Variants in KCTD5 observed in about 807,000 individuals in gnomAD.
The protein encoded by KCTD5 is potassium channel tetramerization domain containing 5.
Under a neutral mutation model 27.9 loss-of-function variants are expected in KCTD5, and 12 were observed. That is an observed-to-expected ratio of 0.43 (90% CI 0.28 to 0.70). KCTD5 has a LOEUF of 0.70. KCTD5 is among the 30% of genes least tolerant of loss of function. KCTD5 has a pLI of 0.19. For synonymous variants in KCTD5, 147 were observed against 121.4 expected (o/e 1.21, Z -1.39); for missense variants, 226 against 274.8 (o/e 0.82, Z 1.26).
intron 1 of KCTD5, among the ~76,000 whole-genome samples, chr16:2,690,113 G>A (rs570536577): frequency 2.6e-5 from 4 of 152,382 alleles, no homozygotes; most frequent in South Asian, 4.1e-4. Flanking sequence ...CTGGTGAGAT[G>A]AGCAGAGCGG....
At chr16:2,706,179 A>G (rs959065003) in intron 5 of KCTD5, among the ~76,000 whole-genome samples, 17 of 152,124 alleles carry the variant, frequency 1.1e-4, no homozygotes, top group African/African-American at 3.4e-4. Flanking sequence ...CCCGCCTGGG[A>G]ACGGCAGAGC....
chr16:2,702,201 TC>T, intron 4 of KCTD5, 151 bp from the exon 5 acceptor site: 1 of 980,076 alleles, frequency 1.0e-6, no homozygotes, highest in Non-Finnish European at 1.5e-6. Context: ...GTGCAGGTGT[TC>T]CGGGGATTTG....
intron 5 of KCTD5, among the ~76,000 whole-genome samples, chr16:2,704,625 C>T (rs931854784): frequency 3.3e-5 from 5 of 152,218 alleles, no homozygotes; most frequent in East Asian, 1.9e-4. Context: ...GGGCAGAGGC[C>T]GGGGTCTCCC....
intron 3 of KCTD5, chr16:2,699,246 C>G (rs1315581599): frequency 2.2e-6 from 1 of 455,774 alleles, no homozygotes; most frequent in Non-Finnish European, 4.4e-6. Flanking sequence ...AGGCGGGCGG[C>G]CCTGGTGGCT....
chr16:2,704,810 G>A (rs1169723974), intron 5 of KCTD5, among the ~76,000 whole-genome samples: 1 of 152,202 alleles, frequency 6.6e-6, no homozygotes, highest in Non-Finnish European at 1.5e-5. Flanking sequence ...CAGAGCCCAC[G>A]CAGCAGAGGC....
intron 5 of KCTD5, 55 bp downstream of exon 5, chr16:2,702,533 C>G: frequency 3.2e-6 from 5 of 1,580,648 alleles, no homozygotes; most frequent in Non-Finnish European, 4.3e-6. Flanking sequence ...AAGGCTCTTG[C>G]CCTCTCAGAC....
chr16:2,685,452 A>T lies in KCTD5; in HGVS notation c.252+2652A>T, dbSNP rs1271172529. Among the ~76,000 whole-genome samples, 15 of 151,102 alleles carry T rather than the reference A, an allele frequency of 9.9e-5. No individual in the cohort carries two copies. The East Asian group carries it at 2.9e-3, about 29-fold the overall frequency. ...AAAAAAAAAGAAAAAAGAAAAGGAGAAAACAATAATTGGAGTAAATAAGGT... is the reference window on the plus strand; with the variant it reads ...AAAAAAAAAGAAAAAAGAAAAGGAGTAAACAATAATTGGAGTAAATAAGGT... On this transcript the variant is annotated intron_variant, in intron 1 of 5. Transcript: ENST00000301738.
chr16:2,698,919 A>T (rs2067598768), intron 3 of KCTD5, among the ~76,000 whole-genome samples: 1 of 152,212 alleles, frequency 6.6e-6, no homozygotes, highest in South Asian at 2.1e-4. Context: ...TCCCTGCCTC[A>T]GTCTACCTAC....
intron 1 of KCTD5, among the ~76,000 whole-genome samples, chr16:2,688,247 T>TATATATA (rs1567193128): frequency 1.9e-5 from 2 of 106,104 alleles, no homozygotes; most frequent in African/African-American, 3.8e-5. Context: ...ATATATATAT[T>TATATATA]TATTTATTTA....
intron 1 of KCTD5, among the ~76,000 whole-genome samples, chr16:2,691,945 A>G (rs1426444637): frequency 6.6e-6 from 1 of 152,164 alleles, no homozygotes; most frequent in African/African-American, 2.4e-5. Flanking sequence ...GCTGCAGGGA[A>G]AGCGCATCAG....
In KCTD5 at chr16:2,708,825, G is replaced by A. The variant is rs950074389; in HGVS notation, c.*1498G>A. 5.9e-5 allele frequency: 9 copies of A among 152,204 alleles called. No individual in the cohort carries two copies. Among genetic ancestry groups the A allele is most frequent in the African/African-American group, 1.7e-4 (7 of 41,452 alleles). 9.4% of individuals were successfully genotyped at this position (152,204 alleles called of 1,614,324 possible). A position where few individuals can be genotyped will look rare whatever the true frequency, so the allele number is the denominator to read the frequency against. On this transcript the variant is annotated 3_prime_UTR_variant, in exon 6 of 6. Coordinates refer to ENST00000301738, the MANE Select transcript of KCTD5 (RefSeq NM_018992.4). Reference sequence around the variant, plus strand: ...CATCCTCTCTGGGGAGCTGCTGGCCGCTTAGCGTTGTTTGATTTTTGACCT... The same window carrying A: ...CATCCTCTCTGGGGAGCTGCTGGCCACTTAGCGTTGTTTGATTTTTGACCT...
In KCTD5 at chr16:2,708,762, C is replaced by T. The variant is rs1048576880; in HGVS notation, c.*1435C>T. On this transcript the variant is annotated 3_prime_UTR_variant, in exon 6 of 6. Coordinates refer to ENST00000301738, the MANE Select transcript of KCTD5 (RefSeq NM_018992.4). ...TTCTAGAAGGCAGACTTAGCCCCAG[C>T]AGAGCCTGGGAGGAAGGCGGCCGCT... 3 of 152,240 alleles carry T rather than the reference C, an allele frequency of 2.0e-5. No homozygotes were observed. Among genetic ancestry groups the T allele is most frequent in the Non-Finnish European group, 4.4e-5 (3 of 68,048 alleles). 9.4% of individuals were successfully genotyped at this position (152,240 alleles called of 1,614,324 possible).
chr16:2,687,642 G>A lies in KCTD5; in HGVS notation c.252+4842G>A, dbSNP rs150596756. Among the ~76,000 whole-genome samples the A allele has an allele frequency of 5.3e-5, 8 of 152,344 alleles. No individual in the cohort carries two copies. The East Asian group carries it at 1.5e-3, about 29-fold the overall frequency. On this transcript the variant is annotated intron_variant, in intron 1 of 5. Transcript: ENST00000301738. ...TCGCCAGGGCTGTGGCCGTGATGGG[G>A]GCGCCTGCTGCCTGGTCTCGCCCCG...
At chr16:2,683,106 T>C (rs1014282297) in intron 1 of KCTD5, 43 of 326,658 alleles carry the variant, frequency 1.3e-4, no homozygotes, top group Non-Finnish European at 1.9e-4. Context: ...CCCCGGACTT[T>C]GCTGTGATTC....
Position 2,708,485 on chromosome 16 carries a change from AGC to A in KCTD5, c.*1161_*1162del, listed in dbSNP as rs2142061650. On this transcript the variant is annotated 3_prime_UTR_variant, in exon 6 of 6. Transcript: ENST00000301738. Reference sequence around the variant, plus strand: ...GACTCGGCGTGCAGGGCGGGCTCCAAGCGCTTTGCTTCCGGAACTCCGGCTTC... The same window carrying A: ...GACTCGGCGTGCAGGGCGGGCTCCAAGCTTTGCTTCCGGAACTCCGGCTTC... 1 of 152,532 alleles carries A rather than the reference AGC, an allele frequency of 6.6e-6. No homozygotes were observed. Among genetic ancestry groups the A allele is most frequent in the Non-Finnish European group, 1.5e-5 (1 of 68,060 alleles). 9.4% of individuals were successfully genotyped at this position (152,532 alleles called of 1,614,324 possible).
At position 2,697,819 on chromosome 16, in the gene KCTD5, C is replaced by A. The variant is rs184872901; in HGVS notation, c.362-87C>A. The A allele has an allele frequency of 9.9e-5, 92 of 929,288 alleles. No individual in the cohort carries two copies. The East Asian group carries it at 2.2e-3, about 22-fold the overall frequency. 57.6% of individuals were successfully genotyped at this position (929,288 alleles called of 1,614,324 possible). A position where few individuals can be genotyped will look rare whatever the true frequency, so the allele number is the denominator to read the frequency against. On this transcript the variant is annotated intron_variant, in intron 2 of 5. Transcript: ENST00000301738. ...GAGCCATGGGCCCTCATTGCAGGGG[C>A]AGGGGCAAGGGCAGGGGTGGGTGTA...
chr16:2,682,797 C>A lies in KCTD5; in HGVS notation c.249C>A (p.Asp83Glu). The A allele has an allele frequency of 6.3e-7, 1 of 1,594,116 alleles. No homozygotes were observed. Among genetic ancestry groups the A allele is most frequent in the Non-Finnish European group, 8.5e-7 (1 of 1,171,844 alleles). The change falls in exon 1 of 6, where the codon GAC becomes GAA. Residue 83 changes from aspartate (D) to glutamate (E), a missense_variant. Transcript: ENST00000301738. ...LCQADPDLDS[D>E]KDETGAYLID... ...AGGCCGATCCCGACCTGGACTCAGACAAGGTGAGGGCCTCACGGGCCAGCC... is the reference window on the plus strand; with the variant it reads ...AGGCCGATCCCGACCTGGACTCAGAAAAGGTGAGGGCCTCACGGGCCAGCC...
Position 2,707,525 on chromosome 16 carries a change from TGGG to T in KCTD5, c.*201_*203del, listed in dbSNP as rs1169175505. The T allele has an allele frequency of 4.5e-5, 31 of 695,706 alleles. No homozygotes were observed. Among genetic ancestry groups the T allele is most frequent in the South Asian group, 4.1e-4 (27 of 65,494 alleles). The allele number at this position is 695,706 out of a possible 1,614,324, so 43.1% of individuals were successfully genotyped here. A position where few individuals can be genotyped will look rare whatever the true frequency, so the allele number is the denominator to read the frequency against. On this transcript the variant is annotated 3_prime_UTR_variant, in exon 6 of 6. Transcript: ENST00000301738. ...TGTCCAAGGCCAGACGTCCCCAAGT[TGGG>T]GGAGCACGGCGGCCGGGTGGGCGCT...
intron 1 of KCTD5, among the ~76,000 whole-genome samples, chr16:2,691,520 G>C (rs74758824): frequency 7.9e-5 from 12 of 152,352 alleles, no homozygotes; most frequent in African/African-American, 2.9e-4. Context: ...TGTGGGGGCA[G>C]CTGCAGGCCC....
Sources: allele counts gnomAD v4.1 joint callset (sites outside exome capture counted in the v4.1 genomes callset), GRCh38; gene constraint gnomAD v4.1.1; transcripts MANE v1.5; gene names NCBI Gene and HGNC (gene_info 2026-07-23, HGNC 2026-07-21).